ABCA13: variants seen among roughly 807,000 people sequenced by gnomAD.
The protein encoded by ABCA13 is ATP-binding cassette sub-family A member 13.
Under a neutral mutation model 478.7 loss-of-function variants are expected in ABCA13, and 476 were observed. The observed-to-expected ratio is 0.99, with a 90% CI of 0.92 to 1.07. ABCA13 has a LOEUF of 1.07. ABCA13 is among the 50% of genes least tolerant of loss of function. ABCA13 has a pLI of 0.00. For synonymous variants in ABCA13, 2,252 were observed against 2,158.9 expected, an observed-to-expected ratio of 1.04 and a Z score of -1.20; for missense variants, 6,060 against 5,910.6, an observed-to-expected ratio of 1.03 and a Z score of -0.83.
chr7:48,502,080 A>C (rs1830801165), intron 48 of ABCA13, among the ~76,000 whole-genome samples: 1 of 152,240 alleles, frequency 6.6e-6, no homozygotes, highest in Non-Finnish European at 1.5e-5. Flanking sequence ...ACTTACAAAG[A>C]ACTGTGCATA....
At chr7:48,584,902 T>C (rs1022531604) in intron 56 of ABCA13, among the ~76,000 whole-genome samples, 7 of 152,320 alleles carry the variant, frequency 4.6e-5, no homozygotes, top group Admixed American at 3.9e-4. Context: ...AGGACTTTTT[T>C]CCGACAGATA....
At chr7:48,246,393 T>A (rs1400092062) in intron 13 of ABCA13, among the ~76,000 whole-genome samples, 3 of 152,146 alleles carry the variant, frequency 2.0e-5, no homozygotes. Flanking sequence ...TGGCTTTGAG[T>A]GGTTACAAGC....
intron 55 of ABCA13, among the ~76,000 whole-genome samples, chr7:48,546,885 T>C (rs999909223): frequency 4.0e-5 from 6 of 151,746 alleles, no homozygotes; most frequent in Non-Finnish European, 7.4e-5. Flanking sequence ...CTAATATGAA[T>C]CACAAATTAG....
intron 43 of ABCA13, 77 bp from the exon 44 acceptor site, chr7:48,466,879 A>C (rs1332991271): frequency 2.9e-6 from 4 of 1,386,326 alleles, no homozygotes; most frequent in Non-Finnish European, 4.1e-6. Flanking sequence ...ATGTGAGGTC[A>C]GCAGCTGGTT....
intron 27 of ABCA13, among the ~76,000 whole-genome samples, chr7:48,321,235 C>T (rs141155437): frequency 9.2e-5 from 14 of 152,312 alleles, no homozygotes; most frequent in African/African-American, 3.4e-4. Flanking sequence ...CTACAATGCA[C>T]AGGAAAGCCC....
chr7:48,478,711 G>T (rs1415489030), intron 45 of ABCA13, among the ~76,000 whole-genome samples: 5 of 152,108 alleles, frequency 3.3e-5, no homozygotes, highest in Non-Finnish European at 7.4e-5. Flanking sequence ...TGGTCTTACA[G>T]GGAGGAGAAG....
At position 48,613,841 on chromosome 7, in the gene ABCA13, TTATAA is replaced by T. The variant is rs1260962075; in HGVS notation, c.14745-1439_14745-1435del. On this transcript the variant is annotated intron_variant, in intron 58 of 61. Transcript: ENST00000435803. ...TTTGATTAGATTTACTATATCTGTA[TTATAA>T]TATATTTTCATTATTATAATAATAT... Among the ~76,000 whole-genome samples the T allele has an allele frequency of 8.1e-5, 12 of 148,288 alleles. 1 individual carries two copies. The highest frequency in any genetic ancestry group is 2.1e-4 in the South Asian group (1 of 4,724).
intron 42 of ABCA13, among the ~76,000 whole-genome samples, chr7:48,436,838 CTGT>C (rs1822906307): frequency 7.0e-6 from 1 of 142,038 alleles, no homozygotes; most frequent in South Asian, 2.2e-4. Context: ...TTTTTTTTTT[CTGT>C]TGTTGATTTC....
In ABCA13 at chr7:48,195,509, C is replaced by T. The variant is rs145611619; in HGVS notation, c.163+2457C>T. ...GGCTGGATGCATGAGGACAGGGAGG[C>T]CTTTGACTGGAACAGCTGAGTGGAG... On this transcript the variant is annotated intron_variant, in intron 2 of 61. Transcript: ENST00000435803. Among the ~76,000 whole-genome samples, 777 of 152,154 alleles carry T rather than the reference C, an allele frequency of 5.1e-3. 3 individuals carry two copies. The highest frequency in any genetic ancestry group is 0.018 in the African/African-American group (736 of 41,502).
chr7:48,449,285 CTCCT>C (rs1367999503), intron 42 of ABCA13, among the ~76,000 whole-genome samples: 1 of 151,968 alleles, frequency 6.6e-6, no homozygotes, highest in African/African-American at 2.4e-5. Context: ...TATTTCCTCT[CTCCT>C]TCCTTCCTTC....
chr7:48,249,406 G>A, intron 15 of ABCA13, 55 bp downstream of exon 15: 3 of 1,598,882 alleles, frequency 1.9e-6, no homozygotes, highest in Non-Finnish European at 2.6e-6. Context: ...TTTTAGTGAG[G>A]TGACATAATT....
chr7:48,329,282 T>A (rs1468463666), intron 27 of ABCA13, among the ~76,000 whole-genome samples: 1 of 152,154 alleles, frequency 6.6e-6, no homozygotes, highest in African/African-American at 2.4e-5. Flanking sequence ...GGGGACAGAG[T>A]AGAACCCTTT....
intron 42 of ABCA13, among the ~76,000 whole-genome samples, chr7:48,430,689 A>G (rs1433519321): frequency 1.3e-5 from 2 of 150,918 alleles, no homozygotes; most frequent in Non-Finnish European, 2.9e-5. Flanking sequence ...AAAAAAAAAA[A>G]AGCCTGTAGT....
At chr7:48,262,318 T>C (rs1368116927) in intron 15 of ABCA13, among the ~76,000 whole-genome samples, 1 of 151,668 alleles carries the variant, frequency 6.6e-6, no homozygotes, top group Non-Finnish European at 1.5e-5. Context: ...ATGGAGAGAG[T>C]GTGTTAGAAT....
chr7:48,507,205 T>A (rs919791513), intron 49 of ABCA13, among the ~76,000 whole-genome samples: 7 of 152,166 alleles, frequency 4.6e-5, no homozygotes, highest in Non-Finnish European at 1.0e-4. Flanking sequence ...TGCGACACGA[T>A]GGAGCAGAAG....
intron 21 of ABCA13, 67 bp from the exon 22 acceptor site, chr7:48,297,165 A>T: frequency 3.1e-6 from 4 of 1,299,830 alleles, no homozygotes; most frequent in Non-Finnish European, 4.3e-6. Context: ...AGGCAGTATT[A>T]TTCATTCCAA....
At position 48,408,579 on chromosome 7, in the gene ABCA13, T is replaced by A. The variant is rs188852540; in HGVS notation, c.12071-1941T>A. On this transcript the variant is annotated intron_variant, in intron 39 of 61. Coordinates refer to ENST00000435803, the MANE Select transcript of ABCA13 (RefSeq NM_152701.5). ...TTTATTTGTAAATGCATCTTTTTTT[T>A]AATGTATTGAAAGTCTTAGTCTTTT... is the stretch of plus-strand genomic sequence containing the variant. Among the ~76,000 whole-genome samples, 12 of 152,344 alleles carry A rather than the reference T, an allele frequency of 7.9e-5. No homozygotes were observed. The East Asian group carries it at 1.3e-3, about 17-fold the overall frequency.
intron 28 of ABCA13, among the ~76,000 whole-genome samples, chr7:48,336,688 G>A (rs918467031): frequency 1.3e-5 from 2 of 152,224 alleles, no homozygotes; most frequent in South Asian, 2.1e-4. Context: ...GATTCAGAGT[G>A]CAGCAGTGGG....
chr7:48,318,835 CTT>C (rs931751608), intron 27 of ABCA13, among the ~76,000 whole-genome samples: 1 of 151,948 alleles, frequency 6.6e-6, no homozygotes, highest in Admixed American at 6.6e-5. Flanking sequence ...TAGGCCATGA[CTT>C]TAAAAAAAGA....
Sources: allele counts gnomAD v4.1 joint callset (sites outside exome capture counted in the v4.1 genomes callset), GRCh38; gene constraint gnomAD v4.1.1; transcripts MANE v1.5; gene names NCBI Gene and HGNC (gene_info 2026-07-23, HGNC 2026-07-21).